The following UGT1A10 variants were observed in gnomAD, a reference collection of about 807,000 sequenced individuals.
The protein encoded by UGT1A10 is UDP glucuronosyltransferase family 1 member A10.
In UGT1A10, 49 loss-of-function variants were observed where a neutral mutation model predicts 45.8. That is an observed-to-expected ratio of 1.07 (90% CI 0.85 to 1.36). The LOEUF is 1.36. Ranked by LOEUF, UGT1A10 falls within the 40% of genes most tolerant of loss-of-function variation. The pLI is 0.00. For synonymous variants in UGT1A10, 284 were observed against 249.7 expected (o/e 1.14, Z -1.29); for missense variants, 745 against 668.6 (o/e 1.11, Z -1.26).
intron 1 of UGT1A10, among the ~76,000 whole-genome samples, chr2:233,757,151 G>T (rs1696421194): frequency 6.6e-6 from 1 of 151,298 alleles, no homozygotes; most frequent in African/African-American, 2.4e-5. Flanking sequence ...GGTGGGCTGG[G>T]GTCTATCCCA....
At chr2:233,758,796 A>T (rs1025400084) in intron 1 of UGT1A10, among the ~76,000 whole-genome samples, 2 of 152,214 alleles carry the variant, frequency 1.3e-5, no homozygotes, top group African/African-American at 4.8e-5. Flanking sequence ...GTTATCTTGG[A>T]ATTGTATAGT....
chr2:233,705,842 A>AAGTG lies in UGT1A10; in HGVS notation c.856-61191_856-61188dup, dbSNP rs2075874944. ...AGGCCGAGCACAGTGGCTGGAGCTG[A>AAGTG]AGTGGGAAGCTGAGGCAGGCAGATC... is the stretch of plus-strand genomic sequence containing the variant. On this transcript the variant is annotated intron_variant, in intron 1 of 4. Coordinates refer to ENST00000344644, the MANE Select transcript of UGT1A10 (RefSeq NM_019075.4). Among the ~76,000 whole-genome samples the AAGTG allele has an allele frequency of 2.6e-5, 4 of 152,238 alleles. No individual in the cohort carries two copies. In the South Asian group the frequency reaches 8.3e-4, roughly 32 times the overall value.
chr2:233,751,041 C>T (rs1189631528), intron 1 of UGT1A10, among the ~76,000 whole-genome samples: 2 of 151,832 alleles, frequency 1.3e-5, no homozygotes, highest in African/African-American at 4.9e-5. Flanking sequence ...GCACTGTGTG[C>T]CTGGAAAAGA....
At chr2:233,693,268 G>A in intron 1 of UGT1A10, 1 of 1,614,110 alleles carries the variant, frequency 6.2e-7, no homozygotes, top group Non-Finnish European at 8.5e-7. Flanking sequence ...AAGAGCTGAA[G>A]AACCGTTACC....
chr2:233,664,301 C>A (rs1030849861), intron 1 of UGT1A10, among the ~76,000 whole-genome samples: 1 of 152,180 alleles, frequency 6.6e-6, no homozygotes, highest in South Asian at 2.1e-4. Flanking sequence ...ACTCTTCAAA[C>A]GTCTGCCTGC....
At chr2:233,715,992 A>G (rs1463123086) in intron 1 of UGT1A10, among the ~76,000 whole-genome samples, 2 of 152,168 alleles carry the variant, frequency 1.3e-5, no homozygotes, top group African/African-American at 2.4e-5. Flanking sequence ...AAACACAACA[A>G]AACCCAAAAT....
rs188031736 is a variant in UGT1A10 at position 233,693,529 on chromosome 2, G to A, written c.855+56152G>A. The A allele has an allele frequency of 5.1e-5, 83 of 1,614,154 alleles. No homozygotes were observed. The Middle Eastern group carries it at 8.2e-4, about 16-fold the overall frequency. ...CTGTGTACCTCTTCAGGGGTTTTCC[G>A]TGTTCCCTGGAGCATACATTCAGCA... On this transcript the variant is annotated intron_variant, in intron 1 of 4. Transcript: ENST00000344644.
chr2:233,664,869 G>T (rs1575410455), intron 1 of UGT1A10, among the ~76,000 whole-genome samples: 1 of 152,012 alleles, frequency 6.6e-6, no homozygotes, highest in Admixed American at 6.6e-5. Flanking sequence ...GAATCCTTTT[G>T]TGCCACTTCA....
intron 1 of UGT1A10, among the ~76,000 whole-genome samples, chr2:233,683,905 G>A (rs185079883): frequency 6.6e-5 from 10 of 152,082 alleles, no homozygotes; most frequent in African/African-American, 1.4e-4. Flanking sequence ...TTATTTTGGC[G>A]GAGCATATAG....
chr2:233,640,630 GGA>G (rs2073426007), intron 1 of UGT1A10, among the ~76,000 whole-genome samples: 1 of 152,088 alleles, frequency 6.6e-6, no homozygotes, highest in Non-Finnish European at 1.5e-5. Flanking sequence ...CATTCAAATG[GGA>G]GAGAACAGTC....
rs768704616 is a variant in UGT1A10 at position 233,772,137 on chromosome 2, T to G, written c.1296-125T>G. On this transcript the variant is annotated intron_variant, in intron 4 of 4. Transcript: ENST00000344644. Reference sequence around the variant, plus strand: ...CTAAAAACAACAACAACAACAATAATAGAAACAGGTTTCCTTTCCCAAGTT... The same window carrying G: ...CTAAAAACAACAACAACAACAATAAGAGAAACAGGTTTCCTTTCCCAAGTT... 6.0e-5 allele frequency: 93 copies of G among 1,547,684 alleles called. 1 individual carries two copies. The highest frequency in any genetic ancestry group is 4.6e-4 in the Middle Eastern group (2 of 4,368).
At chr2:233,638,078 A>C (rs961705449) in intron 1 of UGT1A10, among the ~76,000 whole-genome samples, 5 of 152,152 alleles carry the variant, frequency 3.3e-5, no homozygotes, top group Non-Finnish European at 7.4e-5. Flanking sequence ...CTTTTATCTT[A>C]GTAGACTAGA....
At chr2:233,751,100 G>T (rs895970679) in intron 1 of UGT1A10, among the ~76,000 whole-genome samples, 1 of 151,922 alleles carries the variant, frequency 6.6e-6, no homozygotes, top group Non-Finnish European at 1.5e-5. Flanking sequence ...GGAGGGCTTT[G>T]CCCTGCAAGC....
intron 1 of UGT1A10, among the ~76,000 whole-genome samples, chr2:233,702,777 G>C (rs745755769): frequency 6.6e-6 from 1 of 152,158 alleles, no homozygotes; most frequent in Non-Finnish European, 1.5e-5. Context: ...TGATTTGCAG[G>C]TGTAAACGAA....
chr2:233,731,441 C>T (rs1000336522), intron 1 of UGT1A10, among the ~76,000 whole-genome samples: 6 of 152,112 alleles, frequency 3.9e-5, no homozygotes, highest in Non-Finnish European at 5.9e-5. Flanking sequence ...CCCCAGTCCC[C>T]CACCCCACAA....
chr2:233,637,932 C>T (rs1420334749), intron 1 of UGT1A10, among the ~76,000 whole-genome samples: 6 of 152,106 alleles, frequency 3.9e-5, no homozygotes, highest in Non-Finnish European at 7.4e-5. Flanking sequence ...AAATTCTTTA[C>T]TTTGGATACA....
At chr2:233,713,888 G>A in intron 1 of UGT1A10, 1 of 1,613,420 alleles carries the variant, frequency 6.2e-7, no homozygotes, top group Non-Finnish European at 8.5e-7. Context: ...TCCAATCAAT[G>A]TTCCAGGCAA....
intron 1 of UGT1A10, among the ~76,000 whole-genome samples, chr2:233,707,025 GC>G (rs141517421): frequency 6.6e-6 from 1 of 152,288 alleles, no homozygotes; most frequent in East Asian, 1.9e-4. Flanking sequence ...TGGTCAGCCA[GC>G]CCCCAAGGTA....
At chr2:233,693,353 A>C in intron 1 of UGT1A10, 1 of 1,614,132 alleles carries the variant, frequency 6.2e-7, no homozygotes, top group Non-Finnish European at 8.5e-7. Context: ...GAATAACATG[A>C]TTGTTATTGG....
Sources: gnomAD v4.1 joint callset for allele counts (sites outside exome capture counted in the v4.1 genomes callset) on GRCh38, gnomAD v4.1.1 for gene constraint, MANE v1.5 for transcripts, NCBI Gene and HGNC (gene_info 2026-07-23, HGNC 2026-07-21) for gene names.